The following SLC6A16 variants were observed in gnomAD, a reference collection of about 807,000 sequenced individuals.
SLC6A16 encodes orphan sodium- and chloride-dependent neurotransmitter transporter NTT5.
A neutral mutation model predicts 65.4 loss-of-function variants in SLC6A16; 54 were observed. The ratio of observed to expected loss-of-function variants is 0.83; its 90% CI spans 0.66 to 1.04. The LOEUF (loss-of-function observed/expected upper bound fraction) is 1.04. SLC6A16 is among the 50% of genes least tolerant of loss of function. SLC6A16 has a pLI of 0.00. For missense variants in SLC6A16, 816 were observed against 914.0 expected (o/e 0.89, Z 1.38); for synonymous variants, 330 against 346.5 (o/e 0.95, Z 0.53).
At chr19:49,310,288 C>T in intron 3 of SLC6A16, 65 bp downstream of exon 3, 1 of 1,605,248 alleles carries the variant, frequency 6.2e-7, no homozygotes, top group Admixed American at 1.7e-5. Flanking sequence ...GGGCGCATTT[C>T]AGGAGGAGGG....
At chr19:49,293,799 G>C (rs1167683054) in intron 9 of SLC6A16, 28 bp downstream of exon 9, 2 of 1,598,122 alleles carry the variant, frequency 1.3e-6, no homozygotes, top group Non-Finnish European at 1.7e-6. Context: ...CAGGGTCATT[G>C]TTAGGAGTAG....
intron 7 of SLC6A16, among the ~76,000 whole-genome samples, chr19:49,306,964 TAC>T (rs1203425553): frequency 1.3e-5 from 2 of 151,908 alleles, no homozygotes; most frequent in Non-Finnish European, 1.5e-5. Flanking sequence ...TAGAAAAAGA[TAC>T]ACAGAGAGCA....
chr19:49,293,050 C>G (rs906719849), intron 10 of SLC6A16, 173 bp downstream of exon 10: 2 of 580,918 alleles, frequency 3.4e-6, no homozygotes, highest in Admixed American at 3.0e-5. Context: ...GGCACATATT[C>G]AGCACCCAAA....
rs1197711801 is a variant in SLC6A16 at position 49,307,051 on chromosome 19, C to CTTTTTTTTTTTTTTTTTTT, written c.1229+1824_1229+1825insAAAAAAAAAAAAAAAAAAA. 1.1e-3 allele frequency among the ~76,000 whole-genome samples: 67 copies of CTTTTTTTTTTTTTTTTTTT among 60,972 alleles called. 4 individuals carry two copies. Among genetic ancestry groups the CTTTTTTTTTTTTTTTTTTT allele is most frequent in the Non-Finnish European group, 1.3e-3 (46 of 35,916 alleles). 40.0% of individuals were successfully genotyped at this position (60,972 alleles called of 152,430 possible). ...GTTACACAGTGCATTGTTTTATACA[C>CTTTTTTTTTTTTTTTTTTT]TTTTTTTTTTTTTTTGTTAGAGGAA... On this transcript the variant is annotated intron_variant, in intron 7 of 11. Coordinates refer to ENST00000335875, the MANE Select transcript of SLC6A16 (RefSeq NM_014037.3).
intron 8 of SLC6A16, 39 bp from the exon 9 acceptor site, chr19:49,294,067 C>CTAA: frequency 6.5e-7 from 1 of 1,539,822 alleles, no homozygotes; most frequent in Non-Finnish European, 8.9e-7. Flanking sequence ...TGTCATTGAA[C>CTAA]TAAACAATAA....
intron 7 of SLC6A16, among the ~76,000 whole-genome samples, chr19:49,298,330 G>A (rs578040936): frequency 6.6e-6 from 1 of 152,184 alleles, no homozygotes; most frequent in South Asian, 2.1e-4. Context: ...GAAAATATTT[G>A]CAAACTATGC....
At chr19:49,316,776 T>C in intron 1 of SLC6A16, among the ~76,000 whole-genome samples, 1 of 151,794 alleles carries the variant, frequency 6.6e-6, no homozygotes, top group South Asian at 2.1e-4. Flanking sequence ...TCCTAGTACT[T>C]TGGGAGGCCA....
chr19:49,327,041 C>A (rs138390689), upstream of SLC6A16, among the ~76,000 whole-genome samples: 1 of 150,406 alleles, frequency 6.6e-6, no homozygotes, highest in Admixed American at 6.6e-5. Context: ...AAAAGTGCTG[C>A]GACAGAAAAG....
chr19:49,337,352 G>A, the SLC6A16 span: 1 of 921,502 alleles, frequency 1.1e-6, no homozygotes, highest in Non-Finnish European at 1.7e-6. Context: ...ATAAGAGGCT[G>A]GGCCTGGTGG....
At chr19:49,305,356 C>A (rs550548213) in intron 7 of SLC6A16, among the ~76,000 whole-genome samples, 78 of 152,112 alleles carry the variant, frequency 5.1e-4, no homozygotes, top group Middle Eastern at 3.4e-3. Context: ...CTTTGGGAGG[C>A]CAAGGTGGGT....
chr19:49,336,193 C>T, the SLC6A16 span: 1 of 203,288 alleles, frequency 4.9e-6, no homozygotes, highest in East Asian at 1.3e-4. Flanking sequence ...ACCCTAAACG[C>T]TCATATTTAA....
intron 1 of SLC6A16, among the ~76,000 whole-genome samples, chr19:49,313,625 CAAA>C (rs902187308): frequency 2.1e-5 from 1 of 47,380 alleles, no homozygotes; most frequent in African/African-American, 6.2e-5. Context: ...ACTAAAAATG[CAAA>C]AAAAAAAAAA....
intron 7 of SLC6A16, chr19:49,305,645 TGG>T (rs1236165761): frequency 1.3e-5 from 2 of 150,194 alleles, no homozygotes; most frequent in East Asian, 3.9e-4. Flanking sequence ...CCGTCCCTGC[TGG>T]GCTCAGCCCC....
chr19:49,335,869 G>A, the SLC6A16 span: 107 of 1,138,630 alleles, frequency 9.4e-5, no homozygotes, highest in South Asian at 6.3e-4. The surrounding 1 kb of genome is among the most constrained non-coding windows in gnomAD (Gnocchi z 4.6). Flanking sequence ...GGAGACCTAC[G>A]GTGCCCTACT....
Position 49,311,335 on chromosome 19 carries a change from C to T in SLC6A16, c.13G>A (p.Ala5Thr). Reference sequence around the variant, plus strand: ...GCCAGCAAGGATGTCGAAGGCTGGGCCTCTGTCTTCATCTCACACAGACTC... The same window carrying T: ...GCCAGCAAGGATGTCGAAGGCTGGGTCTCTGTCTTCATCTCACACAGACTC... MKTE[A>T]QPSTSLLANT... The change falls in exon 2 of 12, where the codon GCC becomes ACC. Residue 5 changes from alanine (A) to threonine (T), a missense_variant. Ala to Thr is a moderately conservative substitution (Grantham distance 58). Transcript: ENST00000335875. 1 of 1,583,168 alleles carries T rather than the reference C, an allele frequency of 6.3e-7. No individual in the cohort carries two copies. Among genetic ancestry groups the T allele is most frequent in the Non-Finnish European group, 8.6e-7 (1 of 1,165,070 alleles).
Position 49,292,917 on chromosome 19 carries a change from G to A in SLC6A16, c.1778+306C>T, listed in dbSNP as rs371900664. Among the ~76,000 whole-genome samples the A allele has an allele frequency of 2.0e-5, 3 of 152,176 alleles. No individual in the cohort carries two copies. Among genetic ancestry groups the A allele is most frequent in the East Asian group, 3.9e-4 (2 of 5,186 alleles). On this transcript the variant is annotated intron_variant, in intron 10 of 11. Transcript: ENST00000335875. This position sits in a 1 kb window ranked among gnomAD's most constrained non-coding sequence, Gnocchi z 4.3. ...CCTATCGCCTGTATTTATTCTCAAC[G>A]TTTTTATTCTTTATTTGCTAATCTG...
chr19:49,331,896 C>A, the SLC6A16 span: 10 of 455,192 alleles, frequency 2.2e-5, no homozygotes, highest in Non-Finnish European at 4.4e-6. Flanking sequence ...TGCACCACTG[C>A]ACTCTGCCAC....
rs1337035813 is a variant in SLC6A16, at chr19:49,309,476, G to C, written c.877-65C>G. On this transcript the variant is annotated intron_variant, in intron 5 of 11. Coordinates refer to ENST00000335875, the MANE Select transcript of SLC6A16 (RefSeq NM_014037.3). Reference sequence around the variant, plus strand: ...TAGGGGTCAACCAACAGTTAGGAGGGATCAAAAGTTCTGAGTCAGAAATGA... The same window carrying C: ...TAGGGGTCAACCAACAGTTAGGAGGCATCAAAAGTTCTGAGTCAGAAATGA... 2.2e-6 allele frequency: 3 copies of C among 1,378,804 alleles called. No individual in the cohort carries two copies. In the African/African-American group the frequency reaches 4.3e-5, roughly 20 times the overall value. The allele number at this position is 1,378,804 out of a possible 1,614,324, so 85.4% of individuals were successfully genotyped here. A position where few individuals can be genotyped will look rare whatever the true frequency, so the allele number is the denominator to read the frequency against.
At chr19:49,333,845 C>T in the SLC6A16 span, among the ~76,000 whole-genome samples, 1 of 152,190 alleles carries the variant, frequency 6.6e-6, no homozygotes, top group African/African-American at 2.4e-5. Context: ...AATTTGGGGA[C>T]ATCAGAGGAA....
Sources: allele counts gnomAD v4.1 joint callset (sites outside exome capture counted in the v4.1 genomes callset), GRCh38; gene constraint gnomAD v4.1.1; non-coding constraint Gnocchi (gnomAD v3.1); transcripts MANE v1.5; gene names NCBI Gene and HGNC (gene_info 2026-07-23, HGNC 2026-07-21).